SCN1A: variants seen among roughly 807,000 people sequenced by gnomAD.
SCN1A encodes sodium voltage-gated channel alpha subunit 1.
In SCN1A, 13 loss-of-function variants were observed where a neutral mutation model predicts 193.7. The ratio of observed to expected loss-of-function variants is 0.07; its 90% CI spans 0.04 to 0.11. The LOEUF (loss-of-function observed/expected upper bound fraction) is 0.11. SCN1A is among the 10% of genes least tolerant of loss of function. The pLI, the probability that SCN1A is intolerant of heterozygous loss-of-function variation, is 1.00. For missense variants in SCN1A, 1,432 were observed against 2,451.1 expected (o/e 0.58, Z 8.78); for synonymous variants, 781 against 843.6 (o/e 0.93, Z 1.29).
intron 2 of SCN1A, among the ~76,000 whole-genome samples, chr2:166,088,148 AC>A (rs1686353725): frequency 6.6e-6 from 1 of 152,038 alleles, no homozygotes; most frequent in Non-Finnish European, 1.5e-5. Context: ...TAATTGGTCA[AC>A]CACCCATCAC....
At chr2:166,142,505 T>A (rs1574651675) in intron 1 of SCN1A, among the ~76,000 whole-genome samples, 1 of 152,342 alleles carries the variant, frequency 6.6e-6, no homozygotes. Flanking sequence ...AAGTTAATTA[T>A]AATGCTTTTA....
chr2:166,053,239 G>A (rs984146399), intron 7 of SCN1A: 4 of 620,136 alleles, frequency 6.5e-6, no homozygotes, highest in African/African-American at 1.9e-5. Context: ...TATTATAAGT[G>A]GTAAATCAGG....
At chr2:166,102,289 T>G (rs6714844) in intron 2 of SCN1A, among the ~76,000 whole-genome samples, 6,819 of 151,842 alleles carry the variant, frequency 0.045, 419 homozygotes, top group Admixed American at 0.18. Context: ...GAGGTCAGGA[T>G]ATCGAGACCA....
rs545740675 is a variant in SCN1A at position 166,090,029 on chromosome 2, C to CTTTTTTTT, written c.-141-12236_-141-12229dup. Among the ~76,000 whole-genome samples the CTTTTTTTT allele has an allele frequency of 1.0e-3, 72 of 71,422 alleles. 2 individuals are homozygous for CTTTTTTTT. Among genetic ancestry groups the CTTTTTTTT allele is most frequent in the Non-Finnish European group, 1.2e-3 (46 of 37,856 alleles). The allele number at this position is 71,422 out of a possible 152,430, so 46.9% of individuals were successfully genotyped here. On this transcript the variant is annotated intron_variant, in intron 2 of 28. Coordinates refer to ENST00000674923, the MANE Select transcript of SCN1A (RefSeq NM_001165963.4). ...TCTTCCTTCCTTCCTTCCTTCTTTC[C>CTTTTTTTT]TTTTTTTTTTTTTTTTTTTTTTTTT...
chr2:166,085,335 T>C (rs911092123), intron 2 of SCN1A, among the ~76,000 whole-genome samples: 3 of 152,182 alleles, frequency 2.0e-5, no homozygotes, highest in Non-Finnish European at 4.4e-5. Flanking sequence ...TAGCTCAGGG[T>C]GTGAAATGGT....
intron 27 of SCN1A, among the ~76,000 whole-genome samples, chr2:165,995,303 T>C (rs1689865627): frequency 6.6e-6 from 1 of 151,896 alleles, no homozygotes; most frequent in African/African-American, 2.4e-5. Context: ...CTAGTAGTTT[T>C]TTCCTTGATG....
chr2:166,074,464 T>C (rs369961324), intron 3 of SCN1A, among the ~76,000 whole-genome samples: 9,368 of 121,278 alleles, frequency 0.077, 753 homozygotes, highest in African/African-American at 0.25. Context: ...ATAAACTCAA[T>C]AGAAACTAAG....
chr2:166,010,969 G>C (rs1007078289), intron 22 of SCN1A, among the ~76,000 whole-genome samples: 3 of 151,002 alleles, frequency 2.0e-5, no homozygotes, highest in African/African-American at 7.3e-5. Flanking sequence ...ACCTCAGGAA[G>C]TTTTAAAGGG....
intron 2 of SCN1A, among the ~76,000 whole-genome samples, chr2:166,088,954 G>A (rs535159819): frequency 1.3e-5 from 2 of 152,292 alleles, no homozygotes; most frequent in African/African-American, 4.8e-5. Context: ...AAAAATACAT[G>A]CCACACAGTT....
At chr2:166,038,870 C>T (rs973983786) in intron 17 of SCN1A, among the ~76,000 whole-genome samples, 1 of 152,122 alleles carries the variant, frequency 6.6e-6, no homozygotes, top group African/African-American at 2.4e-5. Flanking sequence ...TTACATCCAC[C>T]TGCATTGAAA....
chr2:166,117,946 G>C (rs952131747), intron 2 of SCN1A, among the ~76,000 whole-genome samples: 4 of 146,842 alleles, frequency 2.7e-5, no homozygotes, highest in Non-Finnish European at 5.9e-5. Context: ...CTGGGCAATA[G>C]AGTGAGACTC....
chr2:166,069,094 T>C (rs1684146162), intron 4 of SCN1A, among the ~76,000 whole-genome samples: 2 of 152,156 alleles, frequency 1.3e-5, no homozygotes, highest in African/African-American at 4.8e-5. Context: ...AAAAGGTGTG[T>C]TCACAAGCTA....
intron 22 of SCN1A, among the ~76,000 whole-genome samples, chr2:166,011,559 G>T (rs1243038340): frequency 3.3e-5 from 5 of 151,122 alleles, no homozygotes; most frequent in African/African-American, 1.2e-4. Context: ...TTCCTATAAT[G>T]AAGTCATAAT....
intron 2 of SCN1A, among the ~76,000 whole-genome samples, chr2:166,107,379 CT>C (rs766737999): frequency 4.0e-5 from 6 of 151,884 alleles, no homozygotes; most frequent in Non-Finnish European, 5.9e-5. Context: ...ACAATAGTTG[CT>C]GAATTAATTA....
chr2:166,038,331 C>T (rs1277317979), intron 17 of SCN1A, among the ~76,000 whole-genome samples, 199 bp from the exon 18 acceptor site: 2 of 151,872 alleles, frequency 1.3e-5, no homozygotes, highest in Non-Finnish European at 2.9e-5. Context: ...ATCATTTTCT[C>T]TGATGGTGAA....
intron 2 of SCN1A, among the ~76,000 whole-genome samples, chr2:166,109,795 C>T (rs1397085893): frequency 1.3e-5 from 2 of 152,088 alleles, no homozygotes; most frequent in Admixed American, 6.6e-5. Flanking sequence ...CTCTCTTCCT[C>T]TCCTTGGGCT....
chr2:166,142,055 G>A (rs1205259436), intron 1 of SCN1A, among the ~76,000 whole-genome samples: 2 of 152,144 alleles, frequency 1.3e-5, no homozygotes, highest in Non-Finnish European at 2.9e-5. Flanking sequence ...ACACAAAGAG[G>A]GTGGAGGAGA....
At chr2:166,094,562 G>C (rs925606476) in intron 2 of SCN1A, among the ~76,000 whole-genome samples, 2 of 152,166 alleles carry the variant, frequency 1.3e-5, no homozygotes, top group Non-Finnish European at 2.9e-5. Flanking sequence ...TAGCATTTTA[G>C]ATGTTTCAAA....
intron 3 of SCN1A, chr2:166,075,342 C>T (rs1036189845): frequency 6.6e-6 from 1 of 151,894 alleles, no homozygotes; most frequent in Non-Finnish European, 1.5e-5. Context: ...ATATATATTT[C>T]CAGGTATTCA....
Sources: allele counts gnomAD v4.1 joint callset (sites outside exome capture counted in the v4.1 genomes callset), GRCh38; gene constraint gnomAD v4.1.1; transcripts MANE v1.5; gene names NCBI Gene and HGNC (gene_info 2026-07-23, HGNC 2026-07-21).